The following ANO10 variants were observed in gnomAD, a reference collection of about 807,000 sequenced individuals.
ANO10 encodes anoctamin-10.
In ANO10, 77 loss-of-function variants were observed where a neutral mutation model predicts 74.7. That is an observed-to-expected ratio of 1.03 (90% CI 0.86 to 1.25). The LOEUF (loss-of-function observed/expected upper bound fraction) is 1.25, where lower values mean the gene tolerates loss of function less well. ANO10 is among the 50% of genes most tolerant of loss of function. ANO10 has a pLI of 0.00. For synonymous variants in ANO10, 279 were observed against 284.9 expected (o/e 0.98, Z 0.21); for missense variants, 721 against 778.1 (o/e 0.93, Z 0.87).
At chr3:43,466,380 A>C (rs145198219) in intron 11 of ANO10, among the ~76,000 whole-genome samples, 8,213 of 85,242 alleles carry the variant, frequency 0.096, 413 homozygotes, top group African/African-American at 0.15. Context: ...AAAAAAAAAA[A>C]AAAAAAACAA....
At chr3:43,376,885 G>A (rs920678343) in intron 12 of ANO10, among the ~76,000 whole-genome samples, 2 of 152,034 alleles carry the variant, frequency 1.3e-5, no homozygotes, top group Non-Finnish European at 2.9e-5. Flanking sequence ...ATATGGCAGT[G>A]AGCTGTTTCA....
chr3:43,418,053 C>T lies in ANO10; in HGVS notation c.1914+14558G>A, dbSNP rs190306820. 4.8e-3 allele frequency among the ~76,000 whole-genome samples: 733 copies of T among 152,142 alleles called. 6 individuals are homozygous for T. The highest frequency in any genetic ancestry group is 0.017 in the African/African-American group (701 of 41,502). ...CAGCACTTTGGGAGGCTGAGGCAGG[C>T]GGATCACAAGGTCAGGAGTTAAAGA... On this transcript the variant is annotated intron_variant, in intron 12 of 12. Transcript: ENST00000292246.
intron 12 of ANO10, among the ~76,000 whole-genome samples, chr3:43,407,335 C>T (rs1263800349): frequency 6.6e-6 from 1 of 152,196 alleles, no homozygotes; most frequent in African/African-American, 2.4e-5. Context: ...GGAATTCAGA[C>T]CACAGATTCA....
chr3:43,490,771 G>A (rs144850965), intron 11 of ANO10, among the ~76,000 whole-genome samples: 24 of 152,340 alleles, frequency 1.6e-4, no homozygotes, highest in Middle Eastern at 6.8e-3. Context: ...TCAGGCATGA[G>A]GAGGGCAGAA....
At chr3:43,606,929 T>C (rs2082592299) in intron 1 of ANO10, among the ~76,000 whole-genome samples, 1 of 152,132 alleles carries the variant, frequency 6.6e-6, no homozygotes, top group African/African-American at 2.4e-5. Context: ...ATATGTGACA[T>C]CAGAAGTGGA....
chr3:43,592,719 G>A (rs1309068159), intron 4 of ANO10, among the ~76,000 whole-genome samples: 5 of 152,150 alleles, frequency 3.3e-5, no homozygotes, highest in African/African-American at 9.7e-5. Flanking sequence ...GCAGCTCCTC[G>A]CCAGCAACAG....
intron 1 of ANO10, among the ~76,000 whole-genome samples, chr3:43,611,686 T>A (rs775605271): frequency 2.6e-5 from 4 of 152,170 alleles, no homozygotes; most frequent in Admixed American, 2.0e-4. Context: ...ATAGCAGGCA[T>A]GCAACAAATG....
chr3:43,619,690 A>G (rs1414737770), intron 1 of ANO10, among the ~76,000 whole-genome samples: 1 of 149,586 alleles, frequency 6.7e-6, no homozygotes, highest in Non-Finnish European at 1.5e-5. Context: ...TCTCTACAAT[A>G]AATACAAAAA....
intron 11 of ANO10, among the ~76,000 whole-genome samples, chr3:43,434,825 C>T (rs1055307085): frequency 1.3e-5 from 2 of 152,110 alleles, no homozygotes; most frequent in African/African-American, 4.8e-5. Context: ...TCACAAAATT[C>T]TCATGAATTG....
At chr3:43,682,733 T>C (rs1490623959) in intron 1 of ANO10, among the ~76,000 whole-genome samples, 3 of 152,182 alleles carry the variant, frequency 2.0e-5, no homozygotes, top group African/African-American at 7.2e-5. Context: ...TTATCCACCA[T>C]GATCAAGTGG....
At chr3:43,415,932 G>A (rs1040485719) in intron 12 of ANO10, among the ~76,000 whole-genome samples, 2 of 151,726 alleles carry the variant, frequency 1.3e-5, no homozygotes, top group Non-Finnish European at 2.9e-5. Context: ...CAGCTATCCT[G>A]GATAAAGTTT....
intron 1 of ANO10, among the ~76,000 whole-genome samples, chr3:43,608,571 C>T (rs373476293): frequency 6.6e-6 from 1 of 152,052 alleles, no homozygotes; most frequent in African/African-American, 2.4e-5. Flanking sequence ...TGCACATGGC[C>T]TTTGTTTTGT....
chr3:43,373,974 A>T (rs1174214346), intron 12 of ANO10, among the ~76,000 whole-genome samples: 8 of 152,144 alleles, frequency 5.3e-5, no homozygotes, highest in Admixed American at 1.3e-4. Context: ...GGACACTGAT[A>T]TTTTCTCCAA....
In ANO10 at chr3:43,576,890, C is replaced by T. The variant is rs139077997; in HGVS notation, c.964G>A (p.Val322Met). The change falls in exon 6 of 13, where the codon GTG becomes ATG. Residue 322 changes from valine (V) to methionine (M), a missense_variant. By Grantham distance (21) the Val-to-Met change is conservative (BLOSUM62 1). Transcript: ENST00000292246. ...AGTGAGAAATAGAGGCAGAGGCACA[C>T]GAATGGCAGGGAGACCAGGTAAATG... ...LRIYLVSLPF[V>M]CLCLYFSLYV... The T allele has an allele frequency of 1.9e-5, 31 of 1,614,020 alleles. No homozygotes were observed. The highest frequency in any genetic ancestry group is 4.0e-5 in the African/African-American group (3 of 74,886).
rs374053266 is a variant in ANO10 at position 43,600,295 on chromosome 3, TG to T, written c.337+88del. On this transcript the variant is annotated intron_variant, in intron 3 of 12. Transcript: ENST00000292246. ...AAATATTTACTATTTGACCCTTTAC[TG>T]AAAAAAGTTTGCTGATCCCTGATCT... The T allele has an allele frequency of 5.0e-5, 72 of 1,448,070 alleles. No individual in the cohort carries two copies. The African/African-American group carries it at 7.9e-4, about 16-fold the overall frequency. The allele number at this position is 1,448,070 out of a possible 1,614,324, so 89.7% of individuals were successfully genotyped here.
chr3:43,440,587 G>T (rs1185215414), intron 11 of ANO10, among the ~76,000 whole-genome samples: 1 of 151,968 alleles, frequency 6.6e-6, no homozygotes, highest in Non-Finnish European at 1.5e-5. Context: ...AGGGAGAAAT[G>T]AACACTAATA....
chr3:43,532,515 A>T (rs1254180072), intron 11 of ANO10, among the ~76,000 whole-genome samples: 1 of 152,234 alleles, frequency 6.6e-6, no homozygotes, highest in Non-Finnish European at 1.5e-5. Context: ...ACTTCCACAG[A>T]TGTATCTTTA....
intron 11 of ANO10, among the ~76,000 whole-genome samples, chr3:43,542,370 AGAAG>A (rs2078996494): frequency 6.6e-6 from 1 of 152,194 alleles, no homozygotes; most frequent in African/African-American, 2.4e-5. Context: ...TGCCACAGAT[AGAAG>A]GTACGTAAGA....
At chr3:43,647,541 T>A (rs955492740) in intron 1 of ANO10, among the ~76,000 whole-genome samples, 14 of 152,124 alleles carry the variant, frequency 9.2e-5, no homozygotes, top group Admixed American at 5.2e-4. Flanking sequence ...GACTACTGAT[T>A]CAAATGTTAA....
Sources: allele counts gnomAD v4.1 joint callset (sites outside exome capture counted in the v4.1 genomes callset), GRCh38; gene constraint gnomAD v4.1.1; transcripts MANE v1.5; gene names NCBI Gene and HGNC (gene_info 2026-07-23, HGNC 2026-07-21).